Variants in WRN observed in about 807,000 individuals in gnomAD.
WRN encodes WRN RecQ like helicase, also known as bifunctional 3'-5' exonuclease/ATP-dependent helicase WRN.
A neutral mutation model predicts 180.7 loss-of-function variants in WRN; 149 were observed. The ratio of observed to expected loss-of-function variants is 0.82; its 90% CI spans 0.72 to 0.94. The LOEUF is 0.94. WRN is among the 40% of genes least tolerant of loss of function. The pLI is 0.00. For missense variants in WRN, 1,661 were observed against 1,700.1 expected, an observed-to-expected ratio of 0.98 and a Z score of 0.40; for synonymous variants, 548 against 568.9, an observed-to-expected ratio of 0.96 and a Z score of 0.52.
chr8:31,038,820 G>A (rs1811543494), intron 1 of WRN, among the ~76,000 whole-genome samples: 1 of 152,134 alleles, frequency 6.6e-6, no homozygotes, highest in African/African-American at 2.4e-5. Flanking sequence ...AGCACCACAT[G>A]TTTAAGAGTC....
chr8:31,129,923 T>G (rs550447766), intron 23 of WRN, among the ~76,000 whole-genome samples: 11 of 146,904 alleles, frequency 7.5e-5, no homozygotes, highest in Non-Finnish European at 1.6e-4. Context: ...GAGAATCGCT[T>G]GAACCTGGGA....
chr8:31,064,573 T>A, intron 4 of WRN, 139 bp downstream of exon 4: 1 of 1,200,430 alleles, frequency 8.3e-7, no homozygotes, highest in Non-Finnish European at 1.2e-6. Flanking sequence ...TTCTACCTGA[T>A]TCACTCACAT....
chr8:31,171,215 T>C (rs1383636256), intron 34 of WRN: 2 of 152,168 alleles, frequency 1.3e-5, no homozygotes, highest in African/African-American at 2.4e-5. Context: ...TTTCTTCCTC[T>C]GCTCTATTGC....
At position 31,173,182 on chromosome 8, in the gene WRN, T is replaced by C; in HGVS notation, c.*80T>C. On this transcript the variant is annotated 3_prime_UTR_variant, in exon 35 of 35. Coordinates refer to ENST00000298139, the MANE Select transcript of WRN (RefSeq NM_000553.6). Reference sequence around the variant, plus strand: ...TATTTTATTTCTGAAGAGTAAGGAGTAGTATTTTGGCTTAAAAATCATTCT... The same window carrying C: ...TATTTTATTTCTGAAGAGTAAGGAGCAGTATTTTGGCTTAAAAATCATTCT... 5.9e-6 allele frequency: 8 copies of C among 1,354,024 alleles called. No homozygotes were observed. Among genetic ancestry groups the C allele is most frequent in the Non-Finnish European group, 1.0e-6 (1 of 957,140 alleles). The allele number at this position is 1,354,024 out of a possible 1,614,324, so 83.9% of individuals were successfully genotyped here.
intron 8 of WRN, among the ~76,000 whole-genome samples, chr8:31,076,718 A>G (rs1813108846): frequency 6.6e-6 from 1 of 152,190 alleles, no homozygotes; most frequent in Non-Finnish European, 1.5e-5. Context: ...GCAATGTCAT[A>G]TTTAGTAGCC....
At chr8:31,134,634 A>C (rs1219412302) in intron 24 of WRN, among the ~76,000 whole-genome samples, 3 of 152,224 alleles carry the variant, frequency 2.0e-5, no homozygotes, top group African/African-American at 7.2e-5. Flanking sequence ...ACACTCATTA[A>C]TTTACATAAC....
chr8:31,116,337 T>C lies in WRN; in HGVS notation c.2274-17T>C. 2 of 1,613,436 alleles carry C rather than the reference T, an allele frequency of 1.2e-6. No individual in the cohort carries two copies. Among genetic ancestry groups the C allele is most frequent in the Non-Finnish European group, 1.7e-6 (2 of 1,179,698 alleles). ...TAAAGTATATATGTTTGCTCTTTTG[T>C]TCTTCTTTTTCTTTAGTTCCCACTG... On this transcript the variant is annotated splice_polypyrimidine_tract_variant and intron_variant, in intron 19 of 34. Coordinates refer to ENST00000298139, the MANE Select transcript of WRN (RefSeq NM_000553.6).
intron 18 of WRN, among the ~76,000 whole-genome samples, chr8:31,105,702 C>G (rs1801070318): frequency 6.6e-6 from 1 of 152,114 alleles, no homozygotes; most frequent in South Asian, 2.1e-4. Context: ...TCAGGTGATC[C>G]ACCTGCCTTG....
chr8:31,048,905 T>C (rs1352479182), intron 1 of WRN, among the ~76,000 whole-genome samples: 3 of 152,148 alleles, frequency 2.0e-5, no homozygotes, highest in African/African-American at 7.2e-5. Context: ...TTAATATTCT[T>C]TTCCACACAC....
intron 33 of WRN, among the ~76,000 whole-genome samples, chr8:31,165,211 G>T (rs192663315): frequency 2.0e-5 from 3 of 151,916 alleles, no homozygotes; most frequent in Admixed American, 6.6e-5. Flanking sequence ...GCTCAAGCTT[G>T]TGTGATTTTT....
chr8:31,064,882 A>ATGATG, intron 4 of WRN, 33 bp from the exon 5 acceptor site: 2 of 1,611,810 alleles, frequency 1.2e-6, no homozygotes, highest in Non-Finnish European at 1.7e-6. Flanking sequence ...CATACTTGAC[A>ATGATG]GAACTTATGG....
In WRN at chr8:31,173,044, G is replaced by A; in HGVS notation, c.4241G>A (p.Gly1414Glu). 1 of 1,613,982 alleles carries A rather than the reference G, an allele frequency of 6.2e-7. No homozygotes were observed. Among genetic ancestry groups the A allele is most frequent in the Non-Finnish European group, 8.5e-7 (1 of 1,179,952 alleles). ...CGATTACCTGTGTGGTTTGCCAAAG[G>A]AAGTGATACCAGCAAGAAATTAATG... ...KRRLPVWFAKGSDTSKKLMDK... is the reference protein window; with the variant it reads ...KRRLPVWFAKESDTSKKLMDK... The change falls in exon 35 of 35, where the codon GGA becomes GAA. Residue 1414 changes from glycine to glutamate, a missense_variant. Gly to Glu is a moderately conservative substitution (Grantham distance 98, BLOSUM62 -2). This residue lies in a region of WRN where 1,141 missense variants were observed against 1,149.4 expected (regional missense o/e 0.99). Transcript: ENST00000298139.
chr8:31,121,159 G>A (rs939611880), intron 21 of WRN, among the ~76,000 whole-genome samples: 11 of 151,876 alleles, frequency 7.2e-5, no homozygotes, highest in Non-Finnish European at 5.9e-5. Context: ...TCCTTCATCC[G>A]TAGGAAAAAG....
At chr8:31,078,700 T>C (rs1813188592) in intron 8 of WRN, among the ~76,000 whole-genome samples, 1 of 152,198 alleles carries the variant, frequency 6.6e-6, no homozygotes, top group African/African-American at 2.4e-5. Context: ...TTAAATTCGG[T>C]ATATATCTCT....
At chr8:31,069,986 G>T (rs1812845335) in intron 7 of WRN, among the ~76,000 whole-genome samples, 1 of 152,004 alleles carries the variant, frequency 6.6e-6, no homozygotes, top group South Asian at 2.1e-4. Context: ...ACACAGTACT[G>T]GAAGTCCTGG....
intron 17 of WRN, 90 bp downstream of exon 17, chr8:31,096,940 A>C (rs1176838627): frequency 1.6e-5 from 20 of 1,237,994 alleles, no homozygotes; most frequent in Admixed American, 1.7e-5. Context: ...CACTTCTGTT[A>C]AAGTTTATTT....
chr8:31,065,389 C>T (rs928407577), intron 5 of WRN, among the ~76,000 whole-genome samples: 3 of 152,054 alleles, frequency 2.0e-5, no homozygotes, highest in Non-Finnish European at 2.9e-5. Context: ...CTTCCTCCCT[C>T]CTCCCACCCT....
At chr8:31,081,395 G>T in intron 9 of WRN, 99 bp downstream of exon 9, 2 of 1,287,574 alleles carry the variant, frequency 1.6e-6, no homozygotes. Context: ...GGCTTTGTGG[G>T]ACATACAGTC....
In WRN at chr8:31,059,142, CTAAA is replaced by C; in HGVS notation, c.97-10_97-7del. The C allele has an allele frequency of 6.2e-7, 1 of 1,605,738 alleles. No individual in the cohort carries two copies. The highest frequency in any genetic ancestry group is 1.7e-4 in the Middle Eastern group (1 of 6,048). On this transcript the variant is annotated splice_region_variant and splice_polypyrimidine_tract_variant and intron_variant, in intron 2 of 34. Coordinates refer to ENST00000298139, the MANE Select transcript of WRN (RefSeq NM_000553.6). ...AACTTTGTGCCTGTTTTGAAATTTACTAAACTCAAGGCATGTGTTCGGAAGAGTG... is the reference window on the plus strand; with the variant it reads ...AACTTTGTGCCTGTTTTGAAATTTACCTCAAGGCATGTGTTCGGAAGAGTG...
Sources: gnomAD v4.1 joint callset for allele counts (sites outside exome capture counted in the v4.1 genomes callset) on GRCh38, gnomAD v4.1.1 for gene constraint, gnomAD v4.1.1 regional missense constraint, MANE v1.5 for transcripts, NCBI Gene and HGNC (gene_info 2026-07-23, HGNC 2026-07-21) for gene names.